Variants in PSTPIP2 observed in about 807,000 individuals in gnomAD.
PSTPIP2 encodes the protein proline-serine-threonine phosphatase interacting protein 2, also known as proline-serine-threonine phosphatase-interacting protein 2.
Under a neutral mutation model 63.3 loss-of-function variants are expected in PSTPIP2, and 33 were observed. The observed-to-expected ratio is 0.52, with a 90% CI of 0.40 to 0.70. The LOEUF (loss-of-function observed/expected upper bound fraction) is 0.70. Among genes scored for constraint, PSTPIP2 ranks in the 30% least tolerant of loss-of-function variants. The pLI, the probability that PSTPIP2 is intolerant of heterozygous loss-of-function variation, is 0.00. For missense variants in PSTPIP2, 312 were observed against 400.7 expected (o/e 0.78, Z 1.89); for synonymous variants, 125 against 132.7 (o/e 0.94, Z 0.40).
chr18:46,003,197 C>T (rs768863673), intron 6 of PSTPIP2, among the ~76,000 whole-genome samples: 4 of 152,186 alleles, frequency 2.6e-5, no homozygotes, highest in Admixed American at 2.0e-4. Context: ...ACTAGACCTC[C>T]TTAGACACCA....
intron 2 of PSTPIP2, chr18:46,029,862 C>CCTG: frequency 2.8e-6 from 1 of 353,840 alleles, no homozygotes; most frequent in Non-Finnish European, 5.5e-6. Flanking sequence ...CACCTGTAAT[C>CCTG]TCAGAACTTT....
At chr18:46,022,592 C>T (rs183890762) in intron 3 of PSTPIP2, among the ~76,000 whole-genome samples, 1 of 152,174 alleles carries the variant, frequency 6.6e-6, no homozygotes, top group African/African-American at 2.4e-5. Flanking sequence ...AAACATGAGA[C>T]CCCTTGTTTA....
chr18:46,068,253 A>T (rs1237105227), intron 1 of PSTPIP2, among the ~76,000 whole-genome samples: 1 of 152,162 alleles, frequency 6.6e-6, no homozygotes, highest in Non-Finnish European at 1.5e-5. Flanking sequence ...GTTATATGTA[A>T]ATACTACACC....
intron 5 of PSTPIP2, among the ~76,000 whole-genome samples, chr18:46,007,105 T>G (rs538712604): frequency 2.6e-5 from 4 of 152,204 alleles, no homozygotes; most frequent in Admixed American, 2.0e-4. Context: ...ACTAACGCTG[T>G]GCAAAAATGA....
intron 2 of PSTPIP2, among the ~76,000 whole-genome samples, chr18:46,032,645 T>G (rs1416400395): frequency 6.7e-6 from 1 of 149,176 alleles, no homozygotes; most frequent in African/African-American, 2.5e-5. Flanking sequence ...TCCCAGCTAC[T>G]CAGGAGGCTG....
chr18:45,999,011 CA>C (rs1353917343), intron 7 of PSTPIP2, among the ~76,000 whole-genome samples, 172 bp from the exon 8 acceptor site: 5 of 152,186 alleles, frequency 3.3e-5, no homozygotes, highest in African/African-American at 1.2e-4. Flanking sequence ...GCAATCTTAT[CA>C]ATCTTGGAAA....
chr18:45,985,169 T>C lies in PSTPIP2; in HGVS notation c.*290A>G, dbSNP rs1370482048. On this transcript the variant is annotated 3_prime_UTR_variant, in exon 15 of 15. Coordinates refer to ENST00000409746, the MANE Select transcript of PSTPIP2 (RefSeq NM_024430.4). Reference sequence around the variant, plus strand: ...CAAGTGGATGCTCCAAATCCAGAAGTGGATTTCATGCTTCCCATGTTGAAA... The same window carrying C: ...CAAGTGGATGCTCCAAATCCAGAAGCGGATTTCATGCTTCCCATGTTGAAA... 1.8e-5 allele frequency: 8 copies of C among 452,306 alleles called. No homozygotes were observed. Among genetic ancestry groups the C allele is most frequent in the Admixed American group, 4.1e-5 (1 of 24,488 alleles). 28.0% of individuals were successfully genotyped at this position (452,306 alleles called of 1,614,324 possible).
chr18:45,995,113 G>T (rs1291622556), intron 9 of PSTPIP2, among the ~76,000 whole-genome samples: 1 of 151,936 alleles, frequency 6.6e-6, no homozygotes, highest in African/African-American at 2.4e-5. Flanking sequence ...GTTTTGGGGG[G>T]TTTTATTTTG....
intron 14 of PSTPIP2, among the ~76,000 whole-genome samples, chr18:45,988,491 C>A (rs1163872173): frequency 6.7e-6 from 1 of 149,634 alleles, no homozygotes; most frequent in African/African-American, 2.5e-5. Flanking sequence ...GAAAAATAAC[C>A]TCATTCAAAT....
At chr18:45,995,230 T>C (rs7241551) in intron 9 of PSTPIP2, among the ~76,000 whole-genome samples, 36,774 of 151,846 alleles carry the variant, frequency 0.24, 6,340 homozygotes, top group African/African-American at 0.47. Flanking sequence ...TTCTCCCGCC[T>C]CAGGTTCCCA....
chr18:45,993,237 G>A (rs1356576930), intron 10 of PSTPIP2, among the ~76,000 whole-genome samples: 1 of 151,614 alleles, frequency 6.6e-6, no homozygotes, highest in Non-Finnish European at 1.5e-5. Flanking sequence ...TGGGATTACA[G>A]GGGTGCACCA....
At position 46,012,883 on chromosome 18, in the gene PSTPIP2, A is replaced by G. The variant is rs143990587; in HGVS notation, c.248-1596T>C. On this transcript the variant is annotated intron_variant, in intron 4 of 14. Transcript: ENST00000409746. Reference sequence around the variant, plus strand: ...TTCATTTTCAAAACAATGTAAAAACATATCTGGCCCCATCCCAGAAATTGT... The same window carrying G: ...TTCATTTTCAAAACAATGTAAAAACGTATCTGGCCCCATCCCAGAAATTGT... Among the ~76,000 whole-genome samples the G allele has an allele frequency of 4.7e-3, 723 of 152,310 alleles. 6 individuals are homozygous for G. The highest frequency in any genetic ancestry group is 0.017 in the African/African-American group (688 of 41,574).
chr18:46,047,582 A>C (rs1908429106), intron 1 of PSTPIP2, among the ~76,000 whole-genome samples: 1 of 152,076 alleles, frequency 6.6e-6, no homozygotes. Context: ...ACAGAGCGAG[A>C]ATGTGCCTGA....
chr18:46,020,859 G>A (rs755701342), intron 3 of PSTPIP2, among the ~76,000 whole-genome samples: 8 of 152,214 alleles, frequency 5.3e-5, no homozygotes, highest in Non-Finnish European at 7.4e-5. Context: ...CTGTGTTACA[G>A]TCTGTCTGAA....
chr18:45,988,770 C>T lies in PSTPIP2; in HGVS notation c.956-11G>A. ...AGTAATTGGGATCATCTGCAAAAGG[C>T]AGAACACAGAAAACAACAGTAACAT... On this transcript the variant is annotated splice_polypyrimidine_tract_variant and intron_variant, in intron 13 of 14. Transcript: ENST00000409746. 6.4e-7 allele frequency: 1 copy of T among 1,550,810 alleles called. No individual in the cohort carries two copies. The highest frequency in any genetic ancestry group is 8.9e-7 in the Non-Finnish European group (1 of 1,122,918).
intron 6 of PSTPIP2, among the ~76,000 whole-genome samples, chr18:46,000,578 G>A (rs142127231): frequency 0.08 from 12,111 of 152,176 alleles, 951 homozygotes; most frequent in African/African-American, 0.2. Context: ...ATGTTGGCCA[G>A]GCTGGTCTCG....
chr18:45,983,848 C>T lies in PSTPIP2; in HGVS notation c.*1611G>A, dbSNP rs1456372020. The T allele has an allele frequency of 6.6e-6, 1 of 152,138 alleles. No individual in the cohort carries two copies. The highest frequency in any genetic ancestry group is 1.5e-5 in the Non-Finnish European group (1 of 68,054). The allele number at this position is 152,138 out of a possible 1,614,324, so 9.4% of individuals were successfully genotyped here. Reference sequence around the variant, plus strand: ...CTGTCATGTTCAGTAGCACCTTACACGAAAGGTGGGGAAATAGGCCGGGCG... The same window carrying T: ...CTGTCATGTTCAGTAGCACCTTACATGAAAGGTGGGGAAATAGGCCGGGCG... On this transcript the variant is annotated 3_prime_UTR_variant, in exon 15 of 15. Coordinates refer to ENST00000409746, the MANE Select transcript of PSTPIP2 (RefSeq NM_024430.4).
chr18:45,988,650 A>G, intron 14 of PSTPIP2, 52 bp downstream of exon 14: 1 of 1,453,710 alleles, frequency 6.9e-7, no homozygotes, highest in Non-Finnish European at 9.7e-7. Flanking sequence ...CTTCAATAGC[A>G]CAATTACCAG....
chr18:46,065,615 C>T (rs1183687642), intron 1 of PSTPIP2, among the ~76,000 whole-genome samples: 1 of 152,152 alleles, frequency 6.6e-6, no homozygotes, highest in Non-Finnish European at 1.5e-5. Flanking sequence ...TACAGGCACC[C>T]ACCACCACGC....
Sources: gnomAD v4.1 joint callset for allele counts (sites outside exome capture counted in the v4.1 genomes callset) on GRCh38, gnomAD v4.1.1 for gene constraint, MANE v1.5 for transcripts, NCBI Gene and HGNC (gene_info 2026-07-23, HGNC 2026-07-21) for gene names.